The following ZNF541 variants were observed in gnomAD, a reference collection of about 807,000 sequenced individuals.
ZNF541 encodes zinc finger protein 541.
A neutral mutation model predicts 123.5 loss-of-function variants in ZNF541; 23 were observed. The observed-to-expected ratio is 0.19, with a 90% confidence interval of 0.13 to 0.26. The LOEUF (loss-of-function observed/expected upper bound fraction) is 0.26. ZNF541 is among the 10% of genes least tolerant of loss of function. The pLI, the probability that ZNF541 is intolerant of heterozygous loss-of-function variation, is 1.00. For synonymous variants in ZNF541, 751 were observed against 754.5 expected, an observed-to-expected ratio of 1.00 and a Z score of 0.08; for missense variants, 1,612 against 1,789.9, an observed-to-expected ratio of 0.90 and a Z score of 1.79.
rs905855109 is a variant in ZNF541 at position 47,545,825 on chromosome 19, G to T, written c.704C>A (p.Ala235Asp). 16 of 1,548,012 alleles carry T rather than the reference G, an allele frequency of 1.0e-5. No individual in the cohort carries two copies. The highest frequency in any genetic ancestry group is 5.5e-5 in the African/African-American group (4 of 73,002). The change falls in exon 5 of 17, where the codon GCC (alanine) becomes GAC (aspartate). Residue 235 changes from alanine to aspartate, a missense_variant. By Grantham distance (126) the Ala-to-Asp change is moderately radical (BLOSUM62 -2). Transcript: ENST00000391901. This position sits in a 1 kb window ranked among gnomAD's most constrained non-coding sequence, Gnocchi z 7.5. Reference protein sequence around the residue: ...ILKEAPPEEEACGDSPHAHES... With the variant: ...ILKEAPPEEEDCGDSPHAHES... The stretch of plus-strand genomic sequence containing the variant: ...GTGGGCGTGGGGGGAGTCCCCGCAG[G>T]CCTCTTCCTCCGGGGGGGCTTCCTT...
At chr19:47,538,683 G>A (rs914906292) in intron 8 of ZNF541, among the ~76,000 whole-genome samples, 1 of 152,164 alleles carries the variant, frequency 6.6e-6, no homozygotes, top group African/African-American at 2.4e-5. Context: ...TGTAAGAATA[G>A]CCTCAATCAT....
intron 4 of ZNF541, among the ~76,000 whole-genome samples, chr19:47,548,063 C>T (rs1347014657): frequency 2.8e-5 from 4 of 144,610 alleles, no homozygotes. Flanking sequence ...GGAAATTTTG[C>T]TCCTGACACT....
chr19:47,545,415 T>C lies in ZNF541; in HGVS notation c.1114A>G (p.Thr372Ala). The C allele has an allele frequency of 6.7e-7, 1 of 1,492,694 alleles. No individual in the cohort carries two copies. The highest frequency in any genetic ancestry group is 1.3e-5 in the South Asian group (1 of 75,816). 92.5% of individuals were successfully genotyped at this position (1,492,694 alleles called of 1,614,324 possible). A position where few individuals can be genotyped will look rare whatever the true frequency, so the allele number is the denominator to read the frequency against. ...GTGGACCGGGCCTGGAGCAGCGCGG[T>C]ATCTGGCTCCGGCTCTGGCGGGTCG... ...APDPPEPEPD[T>A]ALLQARSTAE... The change falls in exon 5 of 17, where the codon ACC (threonine) becomes GCC (alanine). Residue 372 changes from threonine (T) to alanine (A), a missense_variant. By Grantham distance (58) the Thr-to-Ala change is moderately conservative (BLOSUM62 0). This residue lies in a region of ZNF541 where 1,080 missense variants were observed against 1,013.8 expected (regional missense o/e 1.07). Transcript: ENST00000391901. This position sits in a 1 kb window ranked among gnomAD's most constrained non-coding sequence, Gnocchi z 7.5.
At chr19:47,534,543 C>A (rs140258027) in intron 9 of ZNF541, among the ~76,000 whole-genome samples, 2 of 151,396 alleles carry the variant, frequency 1.3e-5, no homozygotes, top group Non-Finnish European at 2.9e-5. Context: ...CCCAGCTACT[C>A]GGGAGGCTGA....
intron 2 of ZNF541, among the ~76,000 whole-genome samples, chr19:47,562,728 A>G (rs1303543966): frequency 6.6e-6 from 1 of 152,158 alleles, no homozygotes; most frequent in African/African-American, 2.4e-5. Context: ...GAATCAGATG[A>G]CCTGTGGCCT....
At chr19:47,569,112 G>T (rs1971378875) in intron 2 of ZNF541, among the ~76,000 whole-genome samples, 1 of 152,012 alleles carries the variant, frequency 6.6e-6, no homozygotes, top group Non-Finnish European at 1.5e-5. Flanking sequence ...TTTTGAAAAT[G>T]ATTAGATTTG....
rs193019016 is a variant in ZNF541 at position 47,558,654 on chromosome 19, C to T, written c.-98-2700G>A. 5.5e-3 allele frequency among the ~76,000 whole-genome samples: 832 copies of T among 150,328 alleles called. 13 individuals are homozygous for T. The highest frequency in any genetic ancestry group is 7.4e-3 in the Non-Finnish European group (504 of 67,668). ...TGTCGCCCAGGCTGGAGTACAGTGG[C>T]GCAATCTCAGCTCACTGCATCCTCC... On this transcript the variant is annotated intron_variant, in intron 2 of 16. Coordinates refer to ENST00000391901, the MANE Select transcript of ZNF541 (RefSeq NM_001277075.3).
intron 4 of ZNF541, among the ~76,000 whole-genome samples, chr19:47,546,325 T>A (rs904676958): frequency 6.6e-6 from 1 of 150,974 alleles, no homozygotes; most frequent in Non-Finnish European, 1.5e-5. Flanking sequence ...CTGGCCAACA[T>A]GGTAAAACCC....
At chr19:47,562,823 G>C (rs1223695912) in intron 2 of ZNF541, among the ~76,000 whole-genome samples, 4 of 152,118 alleles carry the variant, frequency 2.6e-5, no homozygotes, top group African/African-American at 7.2e-5. Context: ...TTTCTTTCCA[G>C]GGCTAAATAA....
chr19:47,529,755 C>A, intron 12 of ZNF541, 103 bp from the exon 13 acceptor site: 1 of 1,095,726 alleles, frequency 9.1e-7, no homozygotes, highest in Admixed American at 2.1e-5. Context: ...TCCCTGAAGA[C>A]ACTGCCTGTC....
At chr19:47,532,325 A>G in intron 10 of ZNF541, 55 bp from the exon 11 acceptor site, 1 of 1,539,568 alleles carries the variant, frequency 6.5e-7, no homozygotes, top group Middle Eastern at 1.7e-4. Context: ...CTGAGATGGG[A>G]AGTGAAATGG....
chr19:47,569,935 G>A (rs1183767551), intron 2 of ZNF541, among the ~76,000 whole-genome samples: 1 of 151,934 alleles, frequency 6.6e-6, no homozygotes, highest in African/African-American at 2.4e-5. Flanking sequence ...CCCTCCTATA[G>A]TCTTATAGTT....
At chr19:47,555,145 G>A (rs1217799742) in intron 3 of ZNF541, among the ~76,000 whole-genome samples, 11 of 151,406 alleles carry the variant, frequency 7.3e-5, no homozygotes, top group Admixed American at 2.6e-4. Flanking sequence ...TGAGGCGGGC[G>A]GATCATGAGG....
intron 9 of ZNF541, among the ~76,000 whole-genome samples, 187 bp downstream of exon 9, chr19:47,537,955 G>A (rs956368508): frequency 9.9e-5 from 15 of 152,184 alleles, no homozygotes; most frequent in African/African-American, 3.6e-4. Context: ...CTTTCGGGCT[G>A]TAAAATTCTA....
chr19:47,566,642 A>G (rs1471508876), intron 2 of ZNF541, among the ~76,000 whole-genome samples: 1 of 152,084 alleles, frequency 6.6e-6, no homozygotes, highest in African/African-American at 2.4e-5. Context: ...GCTACTCAGG[A>G]GGCTGAGGCA....
chr19:47,561,236 C>G (rs984292772), intron 2 of ZNF541, among the ~76,000 whole-genome samples: 7 of 151,924 alleles, frequency 4.6e-5, no homozygotes, highest in African/African-American at 9.7e-5. Flanking sequence ...CACTTTGGCC[C>G]AGGAGTTTGA....
intron 2 of ZNF541, among the ~76,000 whole-genome samples, chr19:47,562,078 G>A (rs764044346): frequency 9.2e-5 from 14 of 151,376 alleles, no homozygotes; most frequent in Non-Finnish European, 1.6e-4. Context: ...GCGAACCCCC[G>A]TCCCTACTAA....
chr19:47,532,542 C>A (rs1969622124), intron 10 of ZNF541, among the ~76,000 whole-genome samples: 1 of 152,020 alleles, frequency 6.6e-6, no homozygotes, highest in Non-Finnish European at 1.5e-5. Flanking sequence ...AAGCTGACAC[C>A]CGGCATGTGT....
chr19:47,543,959 C>G (rs1383111589), intron 5 of ZNF541, among the ~76,000 whole-genome samples, 167 bp downstream of exon 5: 1 of 146,614 alleles, frequency 6.8e-6, no homozygotes, highest in East Asian at 2.0e-4. Flanking sequence ...TCATTCTGGT[C>G]TTTTTTTTTT....
Sources: gnomAD v4.1 joint callset for allele counts (sites outside exome capture counted in the v4.1 genomes callset) on GRCh38, gnomAD v4.1.1 for gene constraint, gnomAD v4.1.1 regional missense constraint, Gnocchi (gnomAD v3.1) non-coding constraint, MANE v1.5 for transcripts, NCBI Gene and HGNC (gene_info 2026-07-23, HGNC 2026-07-21) for gene names.